SF3A2: variants seen among roughly 807,000 people sequenced by gnomAD.
SF3A2 encodes SAP 62.
Under a neutral mutation model 31.1 loss-of-function variants are expected in SF3A2, and 5 were observed. The ratio of observed to expected loss-of-function variants is 0.16; its 90% CI spans 0.08 to 0.34. The LOEUF is 0.34. Among genes scored for constraint, SF3A2 ranks in the 10% least tolerant of loss-of-function variants. The pLI is 1.00. For synonymous variants in SF3A2, 365 were observed against 263.7 expected (o/e 1.38, Z -3.72); for missense variants, 577 against 643.9 (o/e 0.90, Z 1.13).
Position 2,245,527 on chromosome 19 carries a change from T to C in SF3A2, c.327T>C (p.Phe109=), listed in dbSNP as rs1209440456. 5 of 1,551,012 alleles carry C rather than the reference T, an allele frequency of 3.2e-6. No homozygotes were observed. The highest frequency in any genetic ancestry group is 3.9e-5 in the Admixed American group (2 of 50,988). ...PEKVKVEVKK[F]VKIGRPGYKV... ...AGGTCAAGGTGGAGGTGAAGAAGTTTGTGAAGATCGGCCGCCCGGGCTACA... is the reference window on the plus strand; with the variant it reads ...AGGTCAAGGTGGAGGTGAAGAAGTTCGTGAAGATCGGCCGCCCGGGCTACA... The change falls in exon 5 of 9, where the codon TTT becomes TTC. Residue 109 remains phenylalanine (F), a synonymous_variant. Transcript: ENST00000221494. This position sits in a 1 kb window ranked among gnomAD's most constrained non-coding sequence, Gnocchi z 4.2.
intron 2 of SF3A2, among the ~76,000 whole-genome samples, chr19:2,244,060 C>T (rs149949768): frequency 2.0e-3 from 302 of 152,308 alleles, no homozygotes; most frequent in Middle Eastern, 0.01. Context: ...CTTTGAACTC[C>T]AGCGTCTGAG....
In SF3A2 at chr19:2,248,317, A is replaced by AGGCCCCAGGGGTGCACCCACC; in HGVS notation, c.1167_1187dup (p.Val393_Gly399dup). The AGGCCCCAGGGGTGCACCCACC allele has an allele frequency of 8.3e-7, 1 of 1,204,608 alleles. No individual in the cohort carries two copies. The highest frequency in any genetic ancestry group is 1.8e-5 in the South Asian group (1 of 55,694). The allele number at this position is 1,204,608 out of a possible 1,614,324, so 74.6% of individuals were successfully genotyped here. A position where few individuals can be genotyped will look rare whatever the true frequency, so the allele number is the denominator to read the frequency against. On this transcript the variant is annotated inframe_insertion, in exon 9 of 9. Transcript: ENST00000221494. ...CCAGCAGCCCCCGCCGTTCACCCTC[A>AGGCCCCAGGGGTGCACCCACC]GGCCCCAGGGGTGCACCCACCAGCC...
At chr19:2,237,855 T>TG (rs1199732402) in intron 1 of SF3A2, 3 of 152,220 alleles carry the variant, frequency 2.0e-5, no homozygotes, top group Non-Finnish European at 2.9e-5. Context: ...TGTGTATCCT[T>TG]GGACGACACC....
chr19:2,241,017 G>A (rs1025628138), intron 1 of SF3A2, among the ~76,000 whole-genome samples: 1 of 152,192 alleles, frequency 6.6e-6, no homozygotes, highest in Non-Finnish European at 1.5e-5. Flanking sequence ...CGCATGGGTG[G>A]GCGCTGTGGA....
Position 2,245,319 on chromosome 19 carries a change from G to A in SF3A2, c.246-127G>A. 1.5e-6 allele frequency: 1 copy of A among 667,914 alleles called. No homozygotes were observed. Among genetic ancestry groups the A allele is most frequent in the Non-Finnish European group, 2.6e-6 (1 of 385,988 alleles). 41.4% of individuals were successfully genotyped at this position (667,914 alleles called of 1,614,324 possible). On this transcript the variant is annotated intron_variant, in intron 4 of 8. Transcript: ENST00000221494. This position sits in a 1 kb window ranked among gnomAD's most constrained non-coding sequence, Gnocchi z 4.2. Reference sequence around the variant, plus strand: ...AGCCAAACCCCAGGGCCCCTCCCAGGCCCCTGGCCCTCCTCATCTCTCAGC... The same window carrying A: ...AGCCAAACCCCAGGGCCCCTCCCAGACCCCTGGCCCTCCTCATCTCTCAGC...
chr19:2,243,826 A>G (rs2024910076), intron 2 of SF3A2, among the ~76,000 whole-genome samples: 1 of 152,222 alleles, frequency 6.6e-6, no homozygotes, highest in South Asian at 2.1e-4. Context: ...AGCTGATGTC[A>G]GTCCAGCCAG....
In SF3A2 at chr19:2,247,882, G is replaced by A. The variant is rs1354107969; in HGVS notation, c.731G>A (p.Arg244Gln). 3.2e-6 allele frequency: 5 copies of A among 1,561,700 alleles called. No individual in the cohort carries two copies. The African/African-American group carries it at 4.3e-5, about 13-fold the overall frequency. The change falls in exon 9 of 9, where the codon CGG becomes CAG. Residue 244 changes from arginine (R) to glutamine (Q), a missense_variant. This residue lies in a region of SF3A2 where 462 missense variants were observed against 339.1 expected (regional missense o/e 1.36). Transcript: ENST00000221494. Reference sequence around the variant, plus strand: ...CCGCTGATGAACGGTCTGCCCCCTCGGCCACCGCTGCCTGAGTCTTTGCCA... The same window carrying A: ...CCGCTGATGAACGGTCTGCCCCCTCAGCCACCGCTGCCTGAGTCTTTGCCA... ...PPPLMNGLPP[R>Q]PPLPESLPPP...
At chr19:2,240,207 G>GGCCGCCT (rs2024877011) in intron 1 of SF3A2, among the ~76,000 whole-genome samples, 1 of 152,194 alleles carries the variant, frequency 6.6e-6, no homozygotes, top group South Asian at 2.1e-4. Flanking sequence ...GTCCGTGCTG[G>GGCCGCCT]GCCGCCTGCC....
chr19:2,242,182 C>T (rs890981987), intron 1 of SF3A2, among the ~76,000 whole-genome samples: 3 of 152,002 alleles, frequency 2.0e-5, no homozygotes, highest in Non-Finnish European at 2.9e-5. Flanking sequence ...TGCACACCTG[C>T]GGCCACTGTG....
chr19:2,244,621 G>A lies in SF3A2; in HGVS notation c.198+6G>A, dbSNP rs1404507467. The A allele has an allele frequency of 1.2e-6, 2 of 1,613,798 alleles. No individual in the cohort carries two copies. Among genetic ancestry groups the A allele is most frequent in the Non-Finnish European group, 1.7e-6 (2 of 1,179,840 alleles). ...TGACACTTCACAACAATGAGGTGCG[G>A]CCTCTGCCTGGCTCCGGGCGGCTCG... On this transcript the variant is annotated splice_donor_region_variant and intron_variant, in intron 3 of 8. Transcript: ENST00000221494.
In SF3A2 at chr19:2,245,795, G is replaced by T. The variant is rs1243606370; in HGVS notation, c.355+240G>T. ...ATTTCCCAGCTGAGCCACAGTCTGTGCCCTCCTGTCCGGGTCTTGTGGAAG... is the reference window on the plus strand; with the variant it reads ...ATTTCCCAGCTGAGCCACAGTCTGTTCCCTCCTGTCCGGGTCTTGTGGAAG... On this transcript the variant is annotated intron_variant, in intron 5 of 8. Transcript: ENST00000221494. This position sits in a 1 kb window ranked among gnomAD's most constrained non-coding sequence, Gnocchi z 4.2. 1 of 560,850 alleles carries T rather than the reference G, an allele frequency of 1.8e-6. No homozygotes were observed. Among genetic ancestry groups the T allele is most frequent in the Non-Finnish European group, 3.2e-6 (1 of 313,250 alleles). 34.7% of individuals were successfully genotyped at this position (560,850 alleles called of 1,614,324 possible).
At position 2,243,464 on chromosome 19, in the gene SF3A2, G is replaced by T; in HGVS notation, c.46G>T (p.Val16Leu). 6.4e-7 allele frequency: 1 copy of T among 1,555,132 alleles called. No individual in the cohort carries two copies. Among genetic ancestry groups the T allele is most frequent in the Non-Finnish European group, 8.6e-7 (1 of 1,157,408 alleles). The change falls in exon 2 of 9, where the codon GTG (valine) becomes TTG (leucine). Residue 16 changes from valine to leucine, a missense_variant. Around this residue, in one of 6 missense-constraint regions of SF3A2, gnomAD observed 40 missense variants for 50.0 expected, o/e 0.80. Transcript: ENST00000221494. Reference sequence around the variant, plus strand: ...CGGGGGCAAGACCGGGAGCGGGGGCGTGGCCTCCTCCTCCGAGAGCAACCG... The same window carrying T: ...CGGGGGCAAGACCGGGAGCGGGGGCTTGGCCTCCTCCTCCGAGAGCAACCG... Reference protein sequence around the residue: ...RPGGKTGSGGVASSSESNRDR... With the variant: ...RPGGKTGSGGLASSSESNRDR...
At position 2,244,594 on chromosome 19, in the gene SF3A2, C is replaced by T. The variant is rs2024916502; in HGVS notation, c.177C>T (p.Cys59=). The T allele has an allele frequency of 2.5e-6, 4 of 1,613,986 alleles. No individual in the cohort carries two copies. The highest frequency in any genetic ancestry group is 8.5e-7 in the Non-Finnish European group (1 of 1,179,984). ...NHLGSYECKL[C]LTLHNNEGSY... The stretch of plus-strand genomic sequence containing the variant: ...TGGGCTCCTATGAATGCAAACTCTG[C>T]CTGACACTTCACAACAATGAGGTGC... Residue 59 remains cysteine, a synonymous_variant, in exon 3 of 9, where the codon TGC becomes TGT. Coordinates refer to ENST00000221494, the MANE Select transcript of SF3A2 (RefSeq NM_007165.5).
chr19:2,240,497 G>A (rs192985145), intron 1 of SF3A2, among the ~76,000 whole-genome samples: 5 of 152,322 alleles, frequency 3.3e-5, no homozygotes, highest in East Asian at 1.9e-4. Flanking sequence ...GCTTGGGTTC[G>A]GATGGTTTCT....
At position 2,246,572 on chromosome 19, in the gene SF3A2, A is replaced by G. The variant is rs1164473682; in HGVS notation, c.356-181A>G. On this transcript the variant is annotated intron_variant, in intron 5 of 8. Transcript: ENST00000221494. The surrounding 1 kb of genome is among the most constrained non-coding windows in gnomAD (Gnocchi z 5.5). ...TCCGCAGGTAGCTCAGCTCTGGCGC[A>G]CCTGTGCCTTCACCTATACCAGAAT... 6.6e-6 allele frequency among the ~76,000 whole-genome samples: 1 copy of G among 152,036 alleles called. No individual in the cohort carries two copies. The highest frequency in any genetic ancestry group is 1.5e-5 in the Non-Finnish European group (1 of 67,990).
chr19:2,248,159 CCACCCTCCAGCCCCCGGGGTT>C lies in SF3A2; in HGVS notation c.1014_1034del (p.Ala361_Pro367del), dbSNP rs1233504861. On this transcript the variant is annotated inframe_deletion, in exon 9 of 9. Coordinates refer to ENST00000221494, the MANE Select transcript of SF3A2 (RefSeq NM_007165.5). ...GGGTCCACCCCCCAGCTCCTGGAGT[CCACCCTCCAGCCCCCGGGGTT>C]CACCCACCAGCCCCCGGAGTCCACC... The C allele has an allele frequency of 6.8e-6, 10 of 1,467,310 alleles. No homozygotes were observed. The highest frequency in any genetic ancestry group is 1.2e-5 in the South Asian group (1 of 81,170). 90.9% of individuals were successfully genotyped at this position (1,467,310 alleles called of 1,614,324 possible).
chr19:2,246,983 G>A lies in SF3A2; in HGVS notation c.507G>A (p.Leu169=). ...IEPPDRRWQY[L]LMAAEPYETI... The stretch of plus-strand genomic sequence containing the variant: ...CTCCGGACCGGCGCTGGCAGTACCT[G>A]CTCATGGCCGCCGAGCCCTACGAGA... The change falls in exon 7 of 9, where the codon CTG becomes CTA. Residue 169 remains leucine, a synonymous_variant. Transcript: ENST00000221494. The surrounding 1 kb of genome is among the most constrained non-coding windows in gnomAD (Gnocchi z 5.5). The A allele has an allele frequency of 6.2e-7, 1 of 1,606,296 alleles. No homozygotes were observed. Among genetic ancestry groups the A allele is most frequent in the Non-Finnish European group, 8.5e-7 (1 of 1,178,766 alleles).
chr19:2,246,811 A>G lies in SF3A2; in HGVS notation c.405+9A>G, dbSNP rs541738656. On this transcript the variant is annotated intron_variant, in intron 6 of 8. Coordinates refer to ENST00000221494, the MANE Select transcript of SF3A2 (RefSeq NM_007165.5). This position sits in a 1 kb window ranked among gnomAD's most constrained non-coding sequence, Gnocchi z 5.5. ...AGAGCCTCCTCTTCCAGGTGAGATCAGGGACTTGGGCGTGGGGGGCGGCCA... is the reference window on the plus strand; with the variant it reads ...AGAGCCTCCTCTTCCAGGTGAGATCGGGGACTTGGGCGTGGGGGGCGGCCA... 1.2e-6 allele frequency: 2 copies of G among 1,613,894 alleles called. No individual in the cohort carries two copies. Among genetic ancestry groups the G allele is most frequent in the Admixed American group, 1.7e-5 (1 of 60,016 alleles).
At chr19:2,244,121 G>A (rs1568389002) in intron 2 of SF3A2, among the ~76,000 whole-genome samples, 1 of 152,218 alleles carries the variant, frequency 6.6e-6, no homozygotes, top group South Asian at 2.1e-4. Context: ...AGATGGGCGG[G>A]TCTTTGGGTC....
Sources: gnomAD v4.1 joint callset for allele counts (sites outside exome capture counted in the v4.1 genomes callset) on GRCh38, gnomAD v4.1.1 for gene constraint, gnomAD v4.1.1 regional missense constraint, Gnocchi (gnomAD v3.1) non-coding constraint, MANE v1.5 for transcripts, NCBI Gene and HGNC (gene_info 2026-07-23, HGNC 2026-07-21) for gene names.